GRK5: variants seen among roughly 807,000 people sequenced by gnomAD.
GRK5 encodes g protein-coupled receptor kinase GRK5.
A neutral mutation model predicts 78.4 loss-of-function variants in GRK5; 40 were observed. The ratio of observed to expected loss-of-function variants is 0.51; its 90% CI spans 0.40 to 0.66. GRK5 has a LOEUF of 0.66. Among genes scored for constraint, GRK5 ranks in the 30% least tolerant of loss-of-function variants. GRK5 has a pLI of 0.00. For synonymous variants in GRK5, 289 were observed against 296.8 expected, an observed-to-expected ratio of 0.97 and a Z score of 0.27; for missense variants, 598 against 759.9, an observed-to-expected ratio of 0.79 and a Z score of 2.50.
chr10:119,392,651 G>A (rs561449612), intron 3 of GRK5, among the ~76,000 whole-genome samples: 3 of 152,226 alleles, frequency 2.0e-5, no homozygotes, highest in South Asian at 2.1e-4. Flanking sequence ...TGATCCGCCC[G>A]CCTCGGCCTC....
intron 6 of GRK5, among the ~76,000 whole-genome samples, chr10:119,429,955 G>A (rs1008613980): frequency 6.6e-5 from 10 of 152,074 alleles, no homozygotes; most frequent in Non-Finnish European, 1.5e-5. Flanking sequence ...CCTCCTTCGC[G>A]TCCTTTGTGG....
At chr10:119,279,617 T>C (rs182440226) in intron 1 of GRK5, among the ~76,000 whole-genome samples, 113 of 152,358 alleles carry the variant, frequency 7.4e-4, no homozygotes, top group African/African-American at 2.5e-3. Flanking sequence ...CGTGCCGTGG[T>C]TCTCAAGGAG....
At chr10:119,338,438 T>A (rs528966230) in intron 2 of GRK5, among the ~76,000 whole-genome samples, 7 of 152,366 alleles carry the variant, frequency 4.6e-5, no homozygotes, top group African/African-American at 1.7e-4. Context: ...AACGCCTTCA[T>A]GTAATTTCTT....
At chr10:119,368,159 C>T (rs1212312537) in intron 2 of GRK5, among the ~76,000 whole-genome samples, 2 of 152,220 alleles carry the variant, frequency 1.3e-5, no homozygotes, top group Non-Finnish European at 2.9e-5. Flanking sequence ...GGGCAGCGTG[C>T]AGGAAGGATG....
At chr10:119,268,934 G>A (rs1849544017) in intron 1 of GRK5, among the ~76,000 whole-genome samples, 1 of 152,200 alleles carries the variant, frequency 6.6e-6, no homozygotes, top group Admixed American at 6.5e-5. Context: ...ATAACAAAGG[G>A]GGTGCCCTCA....
Position 119,430,317 on chromosome 10 carries a change from C to T in GRK5, c.534-58C>T. On this transcript the variant is annotated intron_variant, in intron 6 of 15. Coordinates refer to ENST00000392870, the MANE Select transcript of GRK5 (RefSeq NM_005308.3). This position sits in a 1 kb window ranked among gnomAD's most constrained non-coding sequence, Gnocchi z 4.5. ...AGCTGCTCTCAATGTGCCACTGTTTCCTGTGGATTCTGAGTCTTGGCACCA... is the reference window on the plus strand; with the variant it reads ...AGCTGCTCTCAATGTGCCACTGTTTTCTGTGGATTCTGAGTCTTGGCACCA... 6.8e-7 allele frequency: 1 copy of T among 1,474,796 alleles called. No homozygotes were observed. Among genetic ancestry groups the T allele is most frequent in the Non-Finnish European group, 9.5e-7 (1 of 1,054,602 alleles). 91.4% of individuals were successfully genotyped at this position (1,474,796 alleles called of 1,614,324 possible).
At chr10:119,401,715 C>T (rs1428484248) in intron 4 of GRK5, among the ~76,000 whole-genome samples, 2 of 152,222 alleles carry the variant, frequency 1.3e-5, no homozygotes, top group Non-Finnish European at 2.9e-5. Flanking sequence ...CTTCTCCGTG[C>T]CTTCAAAGTC....
rs528916064 is a variant in GRK5 at position 119,427,991 on chromosome 10, C to T, written c.534-2384C>T. On this transcript the variant is annotated intron_variant, in intron 6 of 15. Transcript: ENST00000392870. Reference sequence around the variant, plus strand: ...TCATCAGCATCACCGCCATCAACAGCATCACTGCCATTAGTCCCACTTCAC... The same window carrying T: ...TCATCAGCATCACCGCCATCAACAGTATCACTGCCATTAGTCCCACTTCAC... Among the ~76,000 whole-genome samples, 1,182 of 152,398 alleles carry T rather than the reference C, an allele frequency of 7.8e-3. 9 individuals are homozygous for T. Among genetic ancestry groups the T allele is most frequent in the Non-Finnish European group, 0.013 (866 of 68,042 alleles).
chr10:119,241,873 T>C (rs1028403094), intron 1 of GRK5, among the ~76,000 whole-genome samples: 1 of 152,184 alleles, frequency 6.6e-6, no homozygotes, highest in Non-Finnish European at 1.5e-5. Flanking sequence ...GAAATGTGGC[T>C]CAAGGAGGCA....
At chr10:119,384,393 C>A (rs912840325) in intron 3 of GRK5, among the ~76,000 whole-genome samples, 9 of 152,228 alleles carry the variant, frequency 5.9e-5, no homozygotes, top group African/African-American at 2.2e-4. Flanking sequence ...GATGCCAAGA[C>A]AAAATGGCTC....
At chr10:119,225,048 C>T (rs761799166) in intron 1 of GRK5, among the ~76,000 whole-genome samples, 51 of 152,030 alleles carry the variant, frequency 3.4e-4, no homozygotes, top group Non-Finnish European at 6.2e-4. Flanking sequence ...CACATTAAAA[C>T]AAAAATTACC....
At chr10:119,332,213 C>T (rs1850793577) in intron 2 of GRK5, among the ~76,000 whole-genome samples, 1 of 151,006 alleles carries the variant, frequency 6.6e-6, no homozygotes, top group Non-Finnish European at 1.5e-5. Context: ...CTCAAGCTAT[C>T]CTCCCACCTC....
chr10:119,394,260 C>CTGTGTGTGTGGGCACGTG (rs1564916860), intron 3 of GRK5, among the ~76,000 whole-genome samples: 2 of 4,978 alleles, frequency 4.0e-4, no homozygotes, highest in African/African-American at 1.1e-3. Context: ...GTGGATGTAT[C>CTGTGTGTGTGGGCACGTG]TGTGTGTGTG....
intron 2 of GRK5, among the ~76,000 whole-genome samples, chr10:119,376,677 G>A (rs1329675724): frequency 1.3e-5 from 2 of 149,020 alleles, no homozygotes; most frequent in East Asian, 4.0e-4. Context: ...CCATTCTTCT[G>A]CCTCAGCCTC....
chr10:119,237,755 C>G (rs1396965274), intron 1 of GRK5, among the ~76,000 whole-genome samples: 2 of 152,266 alleles, frequency 1.3e-5, no homozygotes, highest in East Asian at 3.9e-4. Context: ...TCCATCTCAG[C>G]CTTCCCCACT....
At chr10:119,376,135 G>A (rs2133825401) in intron 2 of GRK5, among the ~76,000 whole-genome samples, 1 of 152,290 alleles carries the variant, frequency 6.6e-6, no homozygotes, top group East Asian at 1.9e-4. Flanking sequence ...GTGTGCATAA[G>A]TAGGCCTAGC....
intron 4 of GRK5, among the ~76,000 whole-genome samples, chr10:119,414,563 G>A (rs945093398): frequency 3.9e-5 from 6 of 152,330 alleles, no homozygotes; most frequent in African/African-American, 1.4e-4. Context: ...AGTACATGCT[G>A]GTGCTCAGGG....
At position 119,267,866 on chromosome 10, in the gene GRK5, C is replaced by G. The variant is rs980692211; in HGVS notation, c.53-58650C>G. Among the ~76,000 whole-genome samples the G allele has an allele frequency of 4.6e-5, 7 of 152,272 alleles. No homozygotes were observed. In the East Asian group the frequency reaches 1.2e-3, roughly 25 times the overall value. On this transcript the variant is annotated intron_variant, in intron 1 of 15. Transcript: ENST00000392870. The surrounding 1 kb of genome is among the most constrained non-coding windows in gnomAD (Gnocchi z 4.1). ...CAGCTCCTCCACACTCCCCACCCCCCACAGCCCAGCCAGGTCCAAAACCCT... is the reference window on the plus strand; with the variant it reads ...CAGCTCCTCCACACTCCCCACCCCCGACAGCCCAGCCAGGTCCAAAACCCT...
chr10:119,209,155 C>A (rs1013567084), intron 1 of GRK5, among the ~76,000 whole-genome samples: 3 of 152,098 alleles, frequency 2.0e-5, no homozygotes, highest in African/African-American at 7.2e-5. Flanking sequence ...TAAAACGATT[C>A]GTGTTTATTC....
Sources: gnomAD v4.1 joint callset for allele counts (sites outside exome capture counted in the v4.1 genomes callset) on GRCh38, gnomAD v4.1.1 for gene constraint, Gnocchi (gnomAD v3.1) non-coding constraint, MANE v1.5 for transcripts, NCBI Gene and HGNC (gene_info 2026-07-23, HGNC 2026-07-21) for gene names.